Variants in PPM1A observed in about 807,000 individuals in gnomAD.
The protein encoded by PPM1A is protein phosphatase 1A.
PPM1A carries 7 observed loss-of-function variants against 35.0 expected under a neutral mutation model. That is an observed-to-expected ratio of 0.20 (90% CI 0.11 to 0.38). The LOEUF (loss-of-function observed/expected upper bound fraction) is 0.38. Among genes scored for constraint, PPM1A ranks in the 10% least tolerant of loss-of-function variants. The pLI is 1.00. For missense variants in PPM1A, 239 were observed against 467.8 expected, an observed-to-expected ratio of 0.51 and a Z score of 4.51; for synonymous variants, 153 against 167.3, an observed-to-expected ratio of 0.91 and a Z score of 0.66.
intron 1 of PPM1A, among the ~76,000 whole-genome samples, chr14:60,259,395 T>G (rs1883495937): frequency 6.6e-6 from 1 of 152,116 alleles, no homozygotes; most frequent in Non-Finnish European, 1.5e-5. Context: ...CAAACATTTG[T>G]AGATGCTCTA....
At chr14:60,286,913 A>G in intron 3 of PPM1A, 1 of 934,010 alleles carries the variant, frequency 1.1e-6, no homozygotes, top group Non-Finnish European at 1.3e-6. Context: ...GAATTTTTAT[A>G]TTTTAAATTA....
rs1196176494 is a variant in PPM1A at position 60,249,286 on chromosome 14, G to A, written c.-412G>A. On this transcript the variant is annotated 5_prime_UTR_variant, in exon 1 of 6. Coordinates refer to ENST00000395076, the MANE Select transcript of PPM1A (RefSeq NM_021003.5). The surrounding 1 kb of genome is among the most constrained non-coding windows in gnomAD (Gnocchi z 4.5). ...GCGCGCGCGGGAGCTAGAGAGCAGT[G>A]GTCTCGGCGCTCGTCCGGCCCGCAG... The A allele has an allele frequency of 8.1e-6, 8 of 984,638 alleles. No homozygotes were observed. Among genetic ancestry groups the A allele is most frequent in the South Asian group, 4.5e-5 (1 of 22,094 alleles). 61.0% of individuals were successfully genotyped at this position (984,638 alleles called of 1,614,324 possible). A position where few individuals can be genotyped will look rare whatever the true frequency, so the allele number is the denominator to read the frequency against.
At chr14:60,245,894 C>G, upstream of PPM1A, 2 of 1,590,026 alleles carry the variant, frequency 1.3e-6, no homozygotes, top group Non-Finnish European at 8.6e-7. This position sits in a 1 kb window ranked among gnomAD's most constrained non-coding sequence, Gnocchi z 4.2. Flanking sequence ...ACAATTTGTA[C>G]TAAGCTAATG....
At chr14:60,252,124 A>G (rs1882499469) in intron 1 of PPM1A, among the ~76,000 whole-genome samples, 1 of 152,232 alleles carries the variant, frequency 6.6e-6, no homozygotes, top group South Asian at 2.1e-4. Flanking sequence ...GATTACATCT[A>G]GGCCATTTGT....
chr14:60,265,980 A>G (rs1463755013), intron 1 of PPM1A, among the ~76,000 whole-genome samples: 1 of 152,210 alleles, frequency 6.6e-6, no homozygotes, highest in Non-Finnish European at 1.5e-5. Context: ...GTTTAAAATC[A>G]ATGTATATCC....
upstream of PPM1A, among the ~76,000 whole-genome samples, chr14:60,246,709 T>C (rs1881806749): frequency 1.3e-5 from 2 of 152,216 alleles, no homozygotes; most frequent in African/African-American, 4.8e-5. Context: ...TAAACATATT[T>C]AATCAGACAA....
At chr14:60,246,791 A>G (rs1881810321), upstream of PPM1A, among the ~76,000 whole-genome samples, 1 of 152,206 alleles carries the variant, frequency 6.6e-6, no homozygotes, top group Non-Finnish European at 1.5e-5. Flanking sequence ...TGTCCCTGCA[A>G]GCTGTATTCA....
At chr14:60,276,792 C>G (rs1451994017) in intron 1 of PPM1A, among the ~76,000 whole-genome samples, 1 of 152,098 alleles carries the variant, frequency 6.6e-6, no homozygotes, top group Non-Finnish European at 1.5e-5. Context: ...CACTATAATT[C>G]TGAGTGGATT....
upstream of PPM1A, chr14:60,246,006 C>G: frequency 6.3e-7 from 1 of 1,580,478 alleles, no homozygotes. Flanking sequence ...AAAGAGGAAA[C>G]CAAATGAAGA....
chr14:60,277,718 G>C (rs1049708461), intron 1 of PPM1A, among the ~76,000 whole-genome samples: 1 of 152,270 alleles, frequency 6.6e-6, no homozygotes, highest in Admixed American at 6.5e-5. Context: ...GTAGGAGTTA[G>C]TAATTAAACA....
intron 3 of PPM1A, chr14:60,287,487 A>G: frequency 1.0e-6 from 1 of 985,274 alleles, no homozygotes; most frequent in Non-Finnish European, 1.2e-6. Flanking sequence ...TTTGTATTGT[A>G]AAAGTTGTGT....
At chr14:60,280,036 C>G (rs1886215244) in intron 1 of PPM1A, among the ~76,000 whole-genome samples, 2 of 152,044 alleles carry the variant, frequency 1.3e-5, no homozygotes, top group African/African-American at 4.8e-5. Context: ...GAGTCTCGCT[C>G]TATCGCCCAG....
upstream of PPM1A, among the ~76,000 whole-genome samples, chr14:60,248,249 T>C (rs187680462): frequency 1.3e-5 from 2 of 152,352 alleles, no homozygotes; most frequent in African/African-American, 4.8e-5. Flanking sequence ...CTTTAGCTCA[T>C]CTCTACCTCT....
intron 1 of PPM1A, among the ~76,000 whole-genome samples, chr14:60,258,844 A>C (rs977143495): frequency 6.6e-6 from 1 of 152,116 alleles, no homozygotes; most frequent in Non-Finnish European, 1.5e-5. Flanking sequence ...AAAAAGACAT[A>C]ATCTCTTTCC....
intron 1 of PPM1A, among the ~76,000 whole-genome samples, chr14:60,279,612 C>G (rs937480350): frequency 6.6e-6 from 1 of 152,154 alleles, no homozygotes; most frequent in Admixed American, 6.5e-5. Context: ...TTGCCAGTTG[C>G]AATTCAGAGT....
upstream of PPM1A, among the ~76,000 whole-genome samples, chr14:60,246,997 C>T (rs1881821647): frequency 6.6e-6 from 1 of 152,182 alleles, no homozygotes; most frequent in African/African-American, 2.4e-5. Flanking sequence ...GCAGGCATTT[C>T]AAGTTTTCTA....
rs944095024 is a variant in PPM1A at position 60,286,853 on chromosome 14, T to G, written c.952+1112T>G. 4 of 983,804 alleles carry G rather than the reference T, an allele frequency of 4.1e-6. No homozygotes were observed. The African/African-American group carries it at 7.0e-5, about 17-fold the overall frequency. 60.9% of individuals were successfully genotyped at this position (983,804 alleles called of 1,614,324 possible). A position where few individuals can be genotyped will look rare whatever the true frequency, so the allele number is the denominator to read the frequency against. The stretch of plus-strand genomic sequence containing the variant: ...TTGTACTATTTAGTATTGCATTCAT[T>G]GGACGTACTATTCAACGAATTTGTC... On this transcript the variant is annotated intron_variant, in intron 3 of 5. Coordinates refer to ENST00000395076, the MANE Select transcript of PPM1A (RefSeq NM_021003.5).
At chr14:60,269,309 A>AT (rs1595309579) in intron 1 of PPM1A, among the ~76,000 whole-genome samples, 1 of 151,976 alleles carries the variant, frequency 6.6e-6, no homozygotes, top group African/African-American at 2.4e-5. Context: ...TAAATAGTTT[A>AT]TTTTTTCAGA....
chr14:60,262,542 T>G (rs149099194), intron 1 of PPM1A, among the ~76,000 whole-genome samples: 8 of 152,232 alleles, frequency 5.3e-5, no homozygotes, highest in African/African-American at 1.9e-4. Context: ...TAAAATTAGC[T>G]GGACGTGGTG....
Sources: gnomAD v4.1 joint callset for allele counts (sites outside exome capture counted in the v4.1 genomes callset) on GRCh38, gnomAD v4.1.1 for gene constraint, Gnocchi (gnomAD v3.1) non-coding constraint, MANE v1.5 for transcripts, NCBI Gene and HGNC (gene_info 2026-07-23, HGNC 2026-07-21) for gene names.